Variants in ETV7 observed in about 807,000 individuals in gnomAD.
ETV7 encodes ETS variant transcription factor 7.
Under a neutral mutation model 39.1 loss-of-function variants are expected in ETV7, and 43 were observed. The observed-to-expected ratio is 1.10, with a 90% CI of 0.86 to 1.42. The LOEUF (loss-of-function observed/expected upper bound fraction) is 1.42, where lower values mean the gene tolerates loss of function less well. ETV7 is among the 40% of genes most tolerant of loss of function. The pLI, the probability that ETV7 is intolerant of heterozygous loss-of-function variation, is 0.00. For missense variants in ETV7, 432 were observed against 442.3 expected (o/e 0.98, Z 0.21); for synonymous variants, 196 against 176.6 (o/e 1.11, Z -0.87).
downstream of ETV7, among the ~76,000 whole-genome samples, chr6:36,363,590 C>T (rs1318206714): frequency 2.0e-5 from 3 of 152,352 alleles, no homozygotes; most frequent in Admixed American, 6.5e-5. Context: ...GAACAAAGCT[C>T]CCACGGTGTC....
At chr6:36,374,983 C>T (rs187908570) in intron 3 of ETV7, among the ~76,000 whole-genome samples, 227 of 151,332 alleles carry the variant, frequency 1.5e-3, no homozygotes, top group Admixed American at 3.2e-3. Context: ...GCAGGGGAAT[C>T]GCTTGAACCT....
chr6:36,370,459 C>T (rs957017888), intron 5 of ETV7, among the ~76,000 whole-genome samples: 6 of 151,922 alleles, frequency 3.9e-5, no homozygotes, highest in African/African-American at 7.3e-5. Context: ...CGCTTGAACC[C>T]GGGAGGCAGA....
intron 2 of ETV7, among the ~76,000 whole-genome samples, chr6:36,382,637 C>G (rs1773709059): frequency 6.6e-6 from 1 of 152,156 alleles, no homozygotes; most frequent in South Asian, 2.1e-4. Flanking sequence ...AGCATGGGCA[C>G]CCAAAATCTG....
chr6:36,371,265 A>C, intron 5 of ETV7, 65 bp downstream of exon 5: 1 of 1,446,076 alleles, frequency 6.9e-7, no homozygotes, highest in Non-Finnish European at 9.5e-7. Flanking sequence ...TGTCCTCATC[A>C]CTCGTGACTC....
At chr6:36,385,694 T>G (rs757310310) in intron 1 of ETV7, 25 bp from the exon 2 acceptor site, 53 of 1,574,440 alleles carry the variant, frequency 3.4e-5, no homozygotes, top group Non-Finnish European at 4.5e-5. Context: ...ACCAGGACAG[T>G]CAAAGAAGAG....
downstream of ETV7, among the ~76,000 whole-genome samples, chr6:36,365,735 G>A (rs539319939): frequency 4.6e-5 from 7 of 152,272 alleles, no homozygotes; most frequent in South Asian, 6.2e-4. Context: ...AAAACAGGTC[G>A]AAGCCCTGGG....
At chr6:36,384,627 C>T (rs1773805694) in intron 2 of ETV7, among the ~76,000 whole-genome samples, 1 of 152,180 alleles carries the variant, frequency 6.6e-6, no homozygotes. Flanking sequence ...CGGTGGCCCA[C>T]ACCTGTCATC....
At chr6:36,387,423 C>T in intron 1 of ETV7, 113 bp downstream of exon 1, 2 of 1,425,254 alleles carry the variant, frequency 1.4e-6, no homozygotes, top group South Asian at 1.1e-5. Flanking sequence ...AAGAGAGATT[C>T]CCGCCAGGTA....
chr6:36,380,929 C>A (rs1773620893), intron 2 of ETV7, among the ~76,000 whole-genome samples: 1 of 151,950 alleles, frequency 6.6e-6, no homozygotes, highest in Non-Finnish European at 1.5e-5. Flanking sequence ...TACTCTCTTG[C>A]TGAAGAAACT....
At chr6:36,381,107 C>A (rs1393661200) in intron 2 of ETV7, among the ~76,000 whole-genome samples, 1 of 152,186 alleles carries the variant, frequency 6.6e-6, no homozygotes, top group Non-Finnish European at 1.5e-5. Flanking sequence ...GCCTGACCAG[C>A]CTTTAGCAAC....
chr6:36,361,064 C>A (rs555161466), intron 7 of ETV7, among the ~76,000 whole-genome samples: 1 of 152,302 alleles, frequency 6.6e-6, no homozygotes, highest in African/African-American at 2.4e-5. Context: ...CACCATCACT[C>A]CCCATCCCCA....
At chr6:36,386,138 A>G (rs987359294) in intron 1 of ETV7, among the ~76,000 whole-genome samples, 1 of 152,030 alleles carries the variant, frequency 6.6e-6, no homozygotes, top group African/African-American at 2.4e-5. Context: ...GACCAGCCTG[A>G]CCAACATAGT....
chr6:36,364,387 G>C (rs1484191355), downstream of ETV7, among the ~76,000 whole-genome samples: 1 of 152,260 alleles, frequency 6.6e-6, no homozygotes, highest in Non-Finnish European at 1.5e-5. Flanking sequence ...CAGGAAGGCA[G>C]CTAAGGCCCG....
At chr6:36,369,101 C>A in intron 5 of ETV7, 30 bp from the exon 6 acceptor site, 1 of 1,612,784 alleles carries the variant, frequency 6.2e-7, no homozygotes, top group Non-Finnish European at 8.5e-7. Context: ...GTGCAGGCAG[C>A]GCAGCTTTAC....
intron 3 of ETV7, 51 bp from the exon 4 acceptor site, chr6:36,373,629 G>T: frequency 6.7e-7 from 1 of 1,488,480 alleles, no homozygotes; most frequent in Non-Finnish European, 8.9e-7. Context: ...CACGTGGGGA[G>T]GGCCAGCCTC....
Position 36,373,460 on chromosome 6 carries a change from G to A in ETV7, c.426C>T (p.Pro142=), listed in dbSNP as rs755486669. The change falls in exon 4 of 8, where the codon CCC becomes CCT. Residue 142 remains proline (P), a synonymous_variant. Coordinates refer to ENST00000340181, the MANE Select transcript of ETV7 (RefSeq NM_016135.4). ...LKTPTQHSPV[P]PEEVTGPSQM... ...CACAGAGAGCTTCCTCACCTTCCGGGGGGACTGGAGAGTGCTGGGTGGGCG... is the reference window on the plus strand; with the variant it reads ...CACAGAGAGCTTCCTCACCTTCCGGAGGGACTGGAGAGTGCTGGGTGGGCG... 18 of 1,559,274 alleles carry A rather than the reference G, an allele frequency of 1.2e-5. No homozygotes were observed. The highest frequency in any genetic ancestry group is 1.2e-5 in the Non-Finnish European group (14 of 1,157,454).
chr6:36,358,992 C>T (rs978607381), intron 7 of ETV7, among the ~76,000 whole-genome samples: 2 of 152,182 alleles, frequency 1.3e-5, no homozygotes, highest in African/African-American at 2.4e-5. Flanking sequence ...TAGCTGATGG[C>T]TCCCCCAAAG....
chr6:36,375,910 G>A lies in ETV7; in HGVS notation c.268C>T (p.Leu90Phe). Residue 90 changes from leucine (L) to phenylalanine (F), a missense_variant, in exon 3 of 8, where the codon CTC becomes TTC. Transcript: ENST00000340181. ...CGGTGCCGGAAGTCGTCCTTGGTGA[G>A]GATGCAGAGGGCGCGTCCGTTCATC... is the stretch of plus-strand genomic sequence containing the variant. ...FEMNGRALCI[L>F]TKDDFRHRAP... The A allele has an allele frequency of 2.5e-6, 4 of 1,614,080 alleles. No homozygotes were observed. Among genetic ancestry groups the A allele is most frequent in the Non-Finnish European group, 3.4e-6 (4 of 1,180,036 alleles).
intron 2 of ETV7, among the ~76,000 whole-genome samples, chr6:36,379,229 G>A (rs999157328): frequency 1.3e-5 from 2 of 152,204 alleles, no homozygotes; most frequent in East Asian, 1.9e-4. Flanking sequence ...TATTGGAGGC[G>A]TCAGCCTGAA....
Sources: allele counts gnomAD v4.1 joint callset (sites outside exome capture counted in the v4.1 genomes callset), GRCh38; gene constraint gnomAD v4.1.1; transcripts MANE v1.5; gene names NCBI Gene and HGNC (gene_info 2026-07-23, HGNC 2026-07-21).